The following PTPA variants were observed in gnomAD, a reference collection of about 807,000 sequenced individuals.
The protein encoded by PTPA is protein phosphatase 2 phosphatase activator, also known as serine/threonine-protein phosphatase 2A activator.
In PTPA, 13 loss-of-function variants were observed where a neutral mutation model predicts 43.6. The ratio of observed to expected loss-of-function variants is 0.30; its 90% CI spans 0.19 to 0.47. PTPA has a LOEUF of 0.47. Ranked by LOEUF, PTPA falls within the 20% of genes least tolerant of loss-of-function variation. The pLI is 0.99. For synonymous variants in PTPA, 172 were observed against 158.2 expected, an observed-to-expected ratio of 1.09 and a Z score of -0.66; for missense variants, 329 against 411.9, an observed-to-expected ratio of 0.80 and a Z score of 1.74.
chr9:129,139,761 GCT>G (rs1850633371), intron 8 of PTPA: 1 of 152,136 alleles, frequency 6.6e-6, no homozygotes, highest in Admixed American at 6.6e-5. Flanking sequence ...TCACCATGGT[GCT>G]CTTTTAACTG....
intron 5 of PTPA, 109 bp from the exon 6 acceptor site, chr9:129,134,686 A>T (rs1260370901): frequency 1.8e-5 from 15 of 811,350 alleles, no homozygotes; most frequent in Non-Finnish European, 2.8e-5. Context: ...CTCCATGTTG[A>T]CCACCCTCCT....
chr9:129,140,220 AGCTC>A (rs1204676217), intron 8 of PTPA: 2 of 152,580 alleles, frequency 1.3e-5, no homozygotes, highest in African/African-American at 4.8e-5. Flanking sequence ...TGCGGGCTGC[AGCTC>A]GCTCGCTCAT....
chr9:129,141,841 C>T (rs1282660038), intron 8 of PTPA: 1 of 152,316 alleles, frequency 6.6e-6, no homozygotes, highest in Non-Finnish European at 1.5e-5. Context: ...CTGTCGGATA[C>T]CTGGGTTTGG....
intron 2 of PTPA, among the ~76,000 whole-genome samples, chr9:129,121,217 C>T (rs1214547907): frequency 6.6e-6 from 1 of 152,204 alleles, no homozygotes; most frequent in African/African-American, 2.4e-5. Context: ...TGGCCCAGTT[C>T]TCGTCAGGCT....
At chr9:129,146,173 T>C (rs1851288512) in intron 9 of PTPA, among the ~76,000 whole-genome samples, 1 of 152,174 alleles carries the variant, frequency 6.6e-6, no homozygotes, top group African/African-American at 2.4e-5. Context: ...CCTTGGCCTC[T>C]GGCCTGGATC....
intron 7 of PTPA, 116 bp from the exon 8 acceptor site, chr9:129,137,476 T>G: frequency 4.3e-6 from 3 of 694,274 alleles, no homozygotes. Flanking sequence ...CAAGGTGAGG[T>G]GTTGAGGGCA....
At chr9:129,112,910 C>T (rs1160204495) in intron 1 of PTPA, among the ~76,000 whole-genome samples, 1 of 149,544 alleles carries the variant, frequency 6.7e-6, no homozygotes, top group African/African-American at 2.5e-5. Context: ...CATTGCACTC[C>T]AGCCTGGACA....
intron 4 of PTPA, among the ~76,000 whole-genome samples, 197 bp downstream of exon 4, chr9:129,129,307 A>G (rs1282715734): frequency 6.6e-6 from 1 of 152,234 alleles, no homozygotes; most frequent in Admixed American, 6.5e-5. Flanking sequence ...ACGACTGTGC[A>G]CATACGGCCC....
intron 9 of PTPA, 75 bp from the exon 10 acceptor site, chr9:129,147,312 T>G: frequency 6.8e-7 from 1 of 1,464,676 alleles, no homozygotes; most frequent in Non-Finnish European, 9.5e-7. Flanking sequence ...ACCTGGGAGC[T>G]GCTGCGGTTG....
intron 6 of PTPA, 106 bp downstream of exon 6, chr9:129,135,000 G>T (rs1161850858): frequency 1.6e-5 from 15 of 913,304 alleles, no homozygotes; most frequent in Non-Finnish European, 2.2e-5. Flanking sequence ...GTAGCTCATG[G>T]TTCTCTTGTC....
intron 1 of PTPA, among the ~76,000 whole-genome samples, chr9:129,112,657 C>T (rs918256950): frequency 2.0e-5 from 3 of 152,166 alleles, no homozygotes; most frequent in African/African-American, 7.2e-5. Flanking sequence ...ACAAGGATGT[C>T]CAGGCCAGGC....
intron 2 of PTPA, 52 bp from the exon 3 acceptor site, chr9:129,123,000 G>T (rs3118628): frequency 3.6e-6 from 5 of 1,376,278 alleles, no homozygotes; most frequent in Middle Eastern, 2.1e-4. Flanking sequence ...CAGGTGGGGC[G>T]GGGGGGTCTG....
At chr9:129,116,469 CTCCGAGT>C (rs1848882271) in intron 1 of PTPA, among the ~76,000 whole-genome samples, 1 of 148,290 alleles carries the variant, frequency 6.7e-6, no homozygotes, top group Non-Finnish European at 1.5e-5. Context: ...TCACTGCAAG[CTCCGAGT>C]TCCATGTTCT....
intron 1 of PTPA, among the ~76,000 whole-genome samples, chr9:129,114,582 C>T (rs1157522421): frequency 6.6e-6 from 1 of 152,084 alleles, no homozygotes; most frequent in African/African-American, 2.4e-5. Context: ...GCTGATTGCC[C>T]TTATCTTTTT....
At chr9:129,126,826 C>G (rs1158185830) in intron 3 of PTPA, among the ~76,000 whole-genome samples, 2 of 152,170 alleles carry the variant, frequency 1.3e-5, no homozygotes, top group East Asian at 3.9e-4. Flanking sequence ...AAAGCCCTCT[C>G]CTGAAGAGGA....
chr9:129,122,780 G>A (rs1468483919), intron 2 of PTPA, among the ~76,000 whole-genome samples: 2 of 152,204 alleles, frequency 1.3e-5, no homozygotes, highest in East Asian at 1.9e-4. Context: ...GGGCTATTGT[G>A]TAAAAAAACT....
In PTPA at chr9:129,131,599, G is replaced by T; in HGVS notation, c.420G>T (p.Lys140Asn). 6.2e-7 allele frequency: 1 copy of T among 1,614,200 alleles called. No individual in the cohort carries two copies. The highest frequency in any genetic ancestry group is 8.5e-7 in the Non-Finnish European group (1 of 1,180,038). Reference sequence around the variant, plus strand: ...TGCCTGAGGTGGCTGTTTACCTAAAGGAGTCAGTGGGGAACTCCACGCGCA... The same window carrying T: ...TGCCTGAGGTGGCTGTTTACCTAAATGAGTCAGTGGGGAACTCCACGCGCA... ...AAVPEVAVYL[K>N]ESVGNSTRID... The change falls in exon 5 of 10, where the codon AAG becomes AAT. Residue 140 changes from lysine to asparagine, a missense_variant. Physicochemically the swap from Lys to Asn is moderately conservative, Grantham distance 94. Transcript: ENST00000393370.
chr9:129,118,438 G>A (rs906317409), intron 1 of PTPA, among the ~76,000 whole-genome samples: 46 of 151,970 alleles, frequency 3.0e-4, no homozygotes, highest in African/African-American at 1.1e-3. Context: ...GCGATGGCAC[G>A]ATCTTGGCTC....
At chr9:129,127,195 T>C (rs1356554101) in intron 3 of PTPA, among the ~76,000 whole-genome samples, 3 of 152,138 alleles carry the variant, frequency 2.0e-5, no homozygotes. Flanking sequence ...TGTCCTCCCA[T>C]GCCCCAAGCC....
Sources: allele counts gnomAD v4.1 joint callset (sites outside exome capture counted in the v4.1 genomes callset), GRCh38; gene constraint gnomAD v4.1.1; transcripts MANE v1.5; gene names NCBI Gene and HGNC (gene_info 2026-07-23, HGNC 2026-07-21).